The following PRLR variants were observed in gnomAD, a reference collection of about 807,000 sequenced individuals.
PRLR encodes hPRL receptor.
In PRLR, 13 loss-of-function variants were observed where a neutral mutation model predicts 40.2. The ratio of observed to expected loss-of-function variants is 0.32; its 90% CI spans 0.21 to 0.51. The LOEUF is 0.51. Among genes scored for constraint, PRLR ranks in the 20% least tolerant of loss-of-function variants. PRLR has a pLI of 0.97. For synonymous variants in PRLR, 269 were observed against 278.7 expected (o/e 0.97, Z 0.35); for missense variants, 656 against 747.3 (o/e 0.88, Z 1.42).
Position 35,056,597 on chromosome 5 carries a change from T to C in PRLR, c.*8492A>G, listed in dbSNP as rs1386499254. The C allele has an allele frequency of 2.0e-5, 3 of 152,182 alleles. No homozygotes were observed. Among genetic ancestry groups the C allele is most frequent in the Non-Finnish European group, 2.9e-5 (2 of 68,028 alleles). 9.4% of individuals were successfully genotyped at this position (152,182 alleles called of 1,614,324 possible). On this transcript the variant is annotated 3_prime_UTR_variant, in exon 10 of 10. Coordinates refer to ENST00000618457, the MANE Select transcript of PRLR (RefSeq NM_000949.7). ...ATGGGATTCTGGCAAGATGTGGCAA[T>C]ATTTAATTTCTGTTTTCTTTCCGGA... is the stretch of plus-strand genomic sequence containing the variant.
intron 2 of PRLR, among the ~76,000 whole-genome samples, chr5:35,109,341 G>A (rs888395844): frequency 7.2e-5 from 11 of 152,020 alleles, no homozygotes; most frequent in Non-Finnish European, 1.6e-4. Flanking sequence ...CAAAAGCAAC[G>A]GCAACAAAAG....
chr5:35,207,769 T>C (rs1030877562), intron 1 of PRLR, among the ~76,000 whole-genome samples: 2 of 152,202 alleles, frequency 1.3e-5, no homozygotes, highest in African/African-American at 4.8e-5. Context: ...TTTACACACA[T>C]GCATATACAC....
At position 35,086,246 on chromosome 5, in the gene PRLR, T is replaced by G; in HGVS notation, c.165A>C (p.Gly55=). 6.2e-7 allele frequency: 1 copy of G among 1,614,042 alleles called. No homozygotes were observed. Among genetic ancestry groups the G allele is most frequent in the Non-Finnish European group, 8.5e-7 (1 of 1,179,954 alleles). ...AAGTCAGTGAATAATTGGTAGGAAG[T>G]CCTCCATCTGTCCCAGGCCTCCACC... ...TCWWRPGTDG[G]LPTNYSLTYH... is the part of the protein sequence containing the mutation. The change falls in exon 4 of 10, where the codon GGA becomes GGC. Residue 55 remains glycine, a synonymous_variant. Transcript: ENST00000618457.
chr5:35,124,370 G>T (rs1471748162), intron 1 of PRLR, among the ~76,000 whole-genome samples: 1 of 151,798 alleles, frequency 6.6e-6, no homozygotes, highest in African/African-American at 2.4e-5. Flanking sequence ...TCCTCCTCAT[G>T]GTGCATGCTT....
chr5:35,209,447 A>T (rs10472949), intron 1 of PRLR, among the ~76,000 whole-genome samples: 90,019 of 142,720 alleles, frequency 0.63, 27,472 homozygotes, highest in Non-Finnish European at 0.72. Context: ...CAACAAAAAT[A>T]AAAAAAAGCC....
chr5:35,087,163 T>C (rs957397680), intron 3 of PRLR, among the ~76,000 whole-genome samples: 3 of 152,120 alleles, frequency 2.0e-5, no homozygotes, highest in African/African-American at 4.8e-5. Flanking sequence ...GCTAAGTTTT[T>C]GTATTTTTAG....
In PRLR at chr5:35,089,693, T is replaced by G. The variant is rs946878736; in HGVS notation, c.-43-30A>C. The G allele has an allele frequency of 6.1e-6, 9 of 1,464,286 alleles. No homozygotes were observed. The Admixed American group carries it at 8.4e-5, about 14-fold the overall frequency. 90.7% of individuals were successfully genotyped at this position (1,464,286 alleles called of 1,614,324 possible). ...AAGAGAAGGTAGCAGGTAACTTTTG[T>G]GAAATGGCAGTCTGGTCAGGCACAT... On this transcript the variant is annotated intron_variant, in intron 2 of 9. Transcript: ENST00000618457.
At chr5:35,153,701 C>G (rs922160348) in intron 1 of PRLR, among the ~76,000 whole-genome samples, 2 of 149,412 alleles carry the variant, frequency 1.3e-5, no homozygotes, top group Non-Finnish European at 3.0e-5. Flanking sequence ...GCTCTGCCAA[C>G]TGTTCCCCAC....
chr5:35,171,918 AG>A (rs1332925410), intron 1 of PRLR, among the ~76,000 whole-genome samples: 2 of 152,152 alleles, frequency 1.3e-5, no homozygotes, highest in African/African-American at 2.4e-5. Context: ...GATGCAAAAA[AG>A]TCTCACTTAA....
chr5:35,196,510 G>T (rs1775740866), intron 1 of PRLR, among the ~76,000 whole-genome samples: 1 of 152,228 alleles, frequency 6.6e-6, no homozygotes, highest in African/African-American at 2.4e-5. Context: ...TCAGCCAGGG[G>T]ATTAGGAGGA....
chr5:35,118,015 C>A, intron 2 of PRLR, 46 bp downstream of exon 2: 1 of 927,432 alleles, frequency 1.1e-6, no homozygotes, highest in African/African-American at 1.8e-5. Context: ...GACAGTGGGG[C>A]AGATGGGTGG....
At chr5:35,134,286 C>T (rs572039996) in intron 1 of PRLR, among the ~76,000 whole-genome samples, 1 of 152,148 alleles carries the variant, frequency 6.6e-6, no homozygotes, top group African/African-American at 2.4e-5. Flanking sequence ...ATTTACTGAG[C>T]AGCTGAGATG....
intron 1 of PRLR, among the ~76,000 whole-genome samples, chr5:35,169,864 G>A (rs961937882): frequency 2.0e-5 from 3 of 152,128 alleles, no homozygotes; most frequent in South Asian, 2.1e-4. Context: ...CATAGTCTGC[G>A]TTTAGCATTC....
At chr5:35,222,288 C>G (rs1296966608) in intron 1 of PRLR, among the ~76,000 whole-genome samples, 1 of 138,976 alleles carries the variant, frequency 7.2e-6, no homozygotes, top group African/African-American at 2.7e-5. Flanking sequence ...GGAGACAGAG[C>G]AAGACTCCAT....
At chr5:35,088,774 C>T (rs1771017497) in intron 3 of PRLR, among the ~76,000 whole-genome samples, 1 of 152,138 alleles carries the variant, frequency 6.6e-6, no homozygotes. Flanking sequence ...ACCACACACA[C>T]ACACAAAAAT....
In PRLR at chr5:35,055,953, C is replaced by T. The variant is rs546989872; in HGVS notation, c.*9136G>A. On this transcript the variant is annotated 3_prime_UTR_variant, in exon 10 of 10. Transcript: ENST00000618457. ...AGTGGCATTTACAAATTCCTTCAAA[C>T]TCATTTACAAATACAGTAATAAAAA... is the stretch of plus-strand genomic sequence containing the variant. 4 of 152,318 alleles carry T rather than the reference C, an allele frequency of 2.6e-5. No homozygotes were observed. The South Asian group carries it at 8.3e-4, about 32-fold the overall frequency. 9.4% of individuals were successfully genotyped at this position (152,318 alleles called of 1,614,324 possible). A position where few individuals can be genotyped will look rare whatever the true frequency, so the allele number is the denominator to read the frequency against.
chr5:35,209,142 G>GT (rs34573963), intron 1 of PRLR, among the ~76,000 whole-genome samples: 27 of 147,580 alleles, frequency 1.8e-4, no homozygotes, highest in South Asian at 4.3e-4. Flanking sequence ...ATGTATCAGT[G>GT]TTTTTTTTTT....
rs1332301127 is a variant in PRLR at position 35,162,070 on chromosome 5, G to A, written c.-105-43948C>T. Among the ~76,000 whole-genome samples the A allele has an allele frequency of 3.9e-5, 6 of 152,142 alleles. No individual in the cohort carries two copies. In the East Asian group the frequency reaches 5.8e-4, roughly 15 times the overall value. ...TTCACAGTCACAATAAATAGCTGCCGCTTTTCCAATGAGTCCTGTGCATCA... is the reference window on the plus strand; with the variant it reads ...TTCACAGTCACAATAAATAGCTGCCACTTTTCCAATGAGTCCTGTGCATCA... On this transcript the variant is annotated intron_variant, in intron 1 of 9. Transcript: ENST00000618457.
At chr5:35,070,350 A>G in intron 6 of PRLR, 85 bp from the exon 7 acceptor site, 2 of 1,424,110 alleles carry the variant, frequency 1.4e-6, no homozygotes, top group Non-Finnish European at 2.0e-6. Context: ...AAACTAAGTT[A>G]GGCTGAACAA....
Sources: gnomAD v4.1 joint callset for allele counts (sites outside exome capture counted in the v4.1 genomes callset) on GRCh38, gnomAD v4.1.1 for gene constraint, MANE v1.5 for transcripts, NCBI Gene and HGNC (gene_info 2026-07-23, HGNC 2026-07-21) for gene names.